The following GPLD1 variants were observed in gnomAD, a reference collection of about 807,000 sequenced individuals.
The protein encoded by GPLD1 is phosphatidylinositol-glycan-specific phospholipase D.
A neutral mutation model predicts 112.6 loss-of-function variants in GPLD1; 84 were observed. That is an observed-to-expected ratio of 0.75 (90% CI 0.63 to 0.89). GPLD1 has a LOEUF of 0.89. GPLD1 is among the 40% of genes least tolerant of loss of function. The pLI is 0.00. For missense variants in GPLD1, 1,044 were observed against 1,051.5 expected, an observed-to-expected ratio of 0.99 and a Z score of 0.10; for synonymous variants, 386 against 403.8, an observed-to-expected ratio of 0.96 and a Z score of 0.53.
At chr6:24,452,551 G>A (rs1422674721) in intron 14 of GPLD1, among the ~76,000 whole-genome samples, 3 of 152,098 alleles carry the variant, frequency 2.0e-5, no homozygotes, top group Admixed American at 6.6e-5. Flanking sequence ...TGAGGCGGAC[G>A]GACCACCTGA....
intron 24 of GPLD1, among the ~76,000 whole-genome samples, chr6:24,432,779 C>T (rs1013935020): frequency 1.3e-5 from 2 of 152,200 alleles, no homozygotes; most frequent in South Asian, 2.1e-4. Context: ...CACGGCAGCA[C>T]GACAGCAGCC....
chr6:24,478,733 G>C, intron 3 of GPLD1, among the ~76,000 whole-genome samples: 1 of 112,376 alleles, frequency 8.9e-6, no homozygotes, highest in Non-Finnish European at 1.9e-5. Flanking sequence ...TGAAGGTCCA[G>C]CTCTCAAGTG....
intron 20 of GPLD1, among the ~76,000 whole-genome samples, chr6:24,440,549 A>G (rs1762711423): frequency 1.4e-5 from 2 of 146,218 alleles, no homozygotes; most frequent in Admixed American, 7.2e-5. Context: ...GATCTTTTAT[A>G]TTTGATCATT....
intron 1 of GPLD1, among the ~76,000 whole-genome samples, chr6:24,488,151 T>G (rs563414879): frequency 6.6e-6 from 1 of 152,280 alleles, no homozygotes; most frequent in East Asian, 1.9e-4. Context: ...CTCACGCCTG[T>G]AATCCCAGCA....
At chr6:24,457,802 G>A (rs1763314784) in intron 12 of GPLD1, among the ~76,000 whole-genome samples, 1 of 151,886 alleles carries the variant, frequency 6.6e-6, no homozygotes, top group Non-Finnish European at 1.5e-5. Flanking sequence ...GAACCTGGGA[G>A]ATGGAGGTTG....
intron 12 of GPLD1, among the ~76,000 whole-genome samples, chr6:24,457,378 G>A (rs1181021190): frequency 6.6e-6 from 1 of 152,040 alleles, no homozygotes; most frequent in African/African-American, 2.4e-5. Context: ...CTACTTGGGA[G>A]GCTGAAATGG....
At chr6:24,452,906 C>T (rs375007061) in intron 14 of GPLD1, among the ~76,000 whole-genome samples, 1 of 152,070 alleles carries the variant, frequency 6.6e-6, no homozygotes, top group South Asian at 2.1e-4. Context: ...GTCTAGGGTT[C>T]TCCCCCTAGC....
chr6:24,486,205 A>C (rs1414387816), intron 1 of GPLD1, 75 bp from the exon 2 acceptor site: 1 of 905,852 alleles, frequency 1.1e-6, no homozygotes. Context: ...ATGATTTTAA[A>C]AGAAAAATAC....
chr6:24,441,918 CAAT>C (rs1449767303), intron 20 of GPLD1, among the ~76,000 whole-genome samples: 2 of 150,706 alleles, frequency 1.3e-5, no homozygotes, highest in South Asian at 2.1e-4. Context: ...ATATCAATAA[CAAT>C]AACCTGATGG....
chr6:24,434,424 C>G (rs1176540545), intron 22 of GPLD1, among the ~76,000 whole-genome samples: 5 of 150,904 alleles, frequency 3.3e-5, no homozygotes, highest in Admixed American at 3.3e-4. Flanking sequence ...AAATTATGCA[C>G]AAATTATGCA....
At chr6:24,465,000 C>T (rs1242638370) in intron 10 of GPLD1, among the ~76,000 whole-genome samples, 2 of 151,642 alleles carry the variant, frequency 1.3e-5, no homozygotes, top group Non-Finnish European at 2.9e-5. Flanking sequence ...CGAGACCAGC[C>T]TGGCCAACCA....
upstream of GPLD1, among the ~76,000 whole-genome samples, chr6:24,492,521 A>T (rs1353750293): frequency 6.6e-6 from 1 of 151,564 alleles, no homozygotes; most frequent in Non-Finnish European, 1.5e-5. Context: ...AAAAAAAAAA[A>T]AAAAAAGTGA....
intron 10 of GPLD1, among the ~76,000 whole-genome samples, 193 bp downstream of exon 10, chr6:24,466,487 T>A (rs1366379995): frequency 1.3e-5 from 2 of 152,236 alleles, no homozygotes; most frequent in Non-Finnish European, 1.5e-5. Context: ...CCAAGCCAAC[T>A]GGATGGGAAC....
chr6:24,476,122 AAC>A (rs946501561), intron 4 of GPLD1, 57 bp downstream of exon 4: 1 of 929,584 alleles, frequency 1.1e-6, no homozygotes, highest in South Asian at 1.4e-5. Flanking sequence ...TGCGGGTGCA[AAC>A]ACAGTGCATG....
rs1561836785 is a variant in GPLD1, at chr6:24,448,297, G to GT, written c.1447-90_1447-89insA. The GT allele has an allele frequency of 3.2e-5, 28 of 872,970 alleles. No homozygotes were observed. In the Admixed American group the frequency reaches 5.7e-4, roughly 18 times the overall value. The allele number at this position is 872,970 out of a possible 1,614,324, so 54.1% of individuals were successfully genotyped here. A position where few individuals can be genotyped will look rare whatever the true frequency, so the allele number is the denominator to read the frequency against. On this transcript the variant is annotated intron_variant, in intron 15 of 24. Coordinates refer to ENST00000230036, the MANE Select transcript of GPLD1 (RefSeq NM_001503.4). ...CAGAAGATAAAAAGGACTGACTCTG[G>GT]GTCCAGGTATGGTGGCTGATGTCTA...
chr6:24,466,539 C>G, intron 10 of GPLD1, 141 bp downstream of exon 10: 1 of 650,318 alleles, frequency 1.5e-6, no homozygotes, highest in Non-Finnish European at 2.6e-6. Flanking sequence ...TTCTTTCCCT[C>G]TTTGAATAGG....
chr6:24,467,903 CTGTTTTT>C (rs1561848576), intron 7 of GPLD1, among the ~76,000 whole-genome samples: 4 of 151,508 alleles, frequency 2.6e-5, no homozygotes, highest in African/African-American at 9.7e-5. Flanking sequence ...TTTTTGTTTT[CTGTTTTT>C]TGTTTTTTTT....
chr6:24,487,514 A>T (rs887599867), intron 1 of GPLD1, among the ~76,000 whole-genome samples: 13 of 135,878 alleles, frequency 9.6e-5, no homozygotes, highest in African/African-American at 3.5e-4. Context: ...TTTCAGATGC[A>T]ATCTGTCTTG....
At chr6:24,462,680 C>CCT in intron 11 of GPLD1, 50 bp downstream of exon 11, 1 of 1,192,622 alleles carries the variant, frequency 8.4e-7, no homozygotes, top group Non-Finnish European at 1.3e-6. Flanking sequence ...TAGGGCATCT[C>CCT]CTCCAGGTGA....
Sources: gnomAD v4.1 joint callset for allele counts (sites outside exome capture counted in the v4.1 genomes callset) on GRCh38, gnomAD v4.1.1 for gene constraint, MANE v1.5 for transcripts, NCBI Gene and HGNC (gene_info 2026-07-23, HGNC 2026-07-21) for gene names.